The following TOPAZ1 variants were observed in gnomAD, a reference collection of about 807,000 sequenced individuals.
The protein encoded by TOPAZ1 is testis and ovary specific TOPAZ 1.
In TOPAZ1, 66 loss-of-function variants were observed where a neutral mutation model predicts 172.2. The observed-to-expected ratio is 0.38, with a 90% CI of 0.31 to 0.47. The LOEUF (loss-of-function observed/expected upper bound fraction) is 0.47. Among genes scored for constraint, TOPAZ1 ranks in the 20% least tolerant of loss-of-function variants. The probability of loss-of-function intolerance (pLI) is 0.99; values close to 1 mark genes in which losing one functional copy is unlikely to be tolerated. For missense variants in TOPAZ1, 1,822 were observed against 1,972.4 expected, an observed-to-expected ratio of 0.92 and a Z score of 1.44; for synonymous variants, 681 against 683.9, an observed-to-expected ratio of 1.00 and a Z score of 0.07.
chr3:44,267,129 G>A lies in TOPAZ1; in HGVS notation c.3153G>A (p.Trp1051Ter). 1 of 1,529,368 alleles carries A rather than the reference G, an allele frequency of 6.5e-7. No individual in the cohort carries two copies. Among genetic ancestry groups the A allele is most frequent in the Non-Finnish European group, 8.8e-7 (1 of 1,138,906 alleles). The allele number at this position is 1,529,368 out of a possible 1,614,324, so 94.7% of individuals were successfully genotyped here. A position where few individuals can be genotyped will look rare whatever the true frequency, so the allele number is the denominator to read the frequency against. ...GRQEDTILNT[W>*]MNDFRFLGKH... ...AAGAAGACACAATACTGAATACCTG[G>A]ATGAATGGTACTATTTGTTTTCTTA... The change falls in exon 6 of 20, where the codon TGG becomes TGA. Residue 1051 changes from tryptophan to a stop codon, truncating the protein, a stop_gained. Transcript: ENST00000309765. LOFTEE classifies it high-confidence loss of function.
rs1043677119 is a variant in TOPAZ1, at chr3:44,244,877, A to G, written c.2371A>G (p.Asn791Asp). The change falls in exon 2 of 20, where the codon AAT (asparagine) becomes GAT (aspartate). Residue 791 changes from asparagine (N) to aspartate (D), a missense_variant. Around this residue, in one of 2 missense-constraint regions of TOPAZ1, gnomAD observed 1,489 missense variants for 1,490.8 expected, o/e 1.00. Transcript: ENST00000309765. ...ATCTAATCACGTCTCTGAACCAGGC[A>G]ATATTGTTTCTAATAAAGAAGTTGC... ...KPSNHVSEPGNIVSNKEVASL... is the reference protein window; with the variant it reads ...KPSNHVSEPGDIVSNKEVASL... 24 of 1,551,640 alleles carry G rather than the reference A, an allele frequency of 1.5e-5. No individual in the cohort carries two copies. Among genetic ancestry groups the G allele is most frequent in the Admixed American group, 3.9e-5 (2 of 50,992 alleles).
chr3:44,286,762 A>T (rs948327584), intron 9 of TOPAZ1, among the ~76,000 whole-genome samples: 3 of 152,226 alleles, frequency 2.0e-5, no homozygotes, highest in Non-Finnish European at 4.4e-5. Context: ...TCCTAATGTA[A>T]ATAATTTTAG....
In TOPAZ1 at chr3:44,269,471, C is replaced by CTTTTTTTTT. The variant is rs71085612; in HGVS notation, c.3246+193_3246+201dup. On this transcript the variant is annotated intron_variant, in intron 7 of 19. Coordinates refer to ENST00000309765, the MANE Select transcript of TOPAZ1 (RefSeq NM_001145030.2). ...CCTTTTGATTGTATTTCCCTATCAT[C>CTTTTTTTTT]TTTTTTTTTTTTTTTTTTTTTTTTT... Among the ~76,000 whole-genome samples the CTTTTTTTTT allele has an allele frequency of 1.5e-3, 50 of 33,934 alleles. 7 individuals are homozygous for CTTTTTTTTT. Among genetic ancestry groups the CTTTTTTTTT allele is most frequent in the African/African-American group, 3.6e-3 (22 of 6,122 alleles). 22.3% of individuals were successfully genotyped at this position (33,934 alleles called of 152,430 possible). A position where few individuals can be genotyped will look rare whatever the true frequency, so the allele number is the denominator to read the frequency against.
intron 9 of TOPAZ1, among the ~76,000 whole-genome samples, chr3:44,285,990 C>T (rs1178519738): frequency 6.6e-6 from 1 of 151,918 alleles, no homozygotes; most frequent in Non-Finnish European, 1.5e-5. Context: ...GGGCAGATCA[C>T]CTGAGGTCAG....
intron 9 of TOPAZ1, among the ~76,000 whole-genome samples, chr3:44,284,598 T>C (rs1392913800): frequency 6.6e-6 from 1 of 152,210 alleles, no homozygotes; most frequent in African/African-American, 2.4e-5. Flanking sequence ...AAGTATCTAC[T>C]TGAGTCCTTG....
chr3:44,313,452 A>C (rs1490298969), intron 16 of TOPAZ1, among the ~76,000 whole-genome samples: 1 of 151,628 alleles, frequency 6.6e-6, no homozygotes, highest in Non-Finnish European at 1.5e-5. Context: ...TCTACTAAAA[A>C]TATAAAAAAA....
At chr3:44,277,935 G>A (rs1699980873) in intron 8 of TOPAZ1, among the ~76,000 whole-genome samples, 1 of 152,182 alleles carries the variant, frequency 6.6e-6, no homozygotes, top group Non-Finnish European at 1.5e-5. Flanking sequence ...AAAGCCTGCA[G>A]AACCATGGGC....
intron 7 of TOPAZ1, 138 bp from the exon 8 acceptor site, chr3:44,270,547 T>G (rs1271586679): frequency 4.0e-6 from 2 of 503,740 alleles, no homozygotes; most frequent in Non-Finnish European, 6.4e-6. Context: ...GTTTTATTTT[T>G]TCTTATTAAA....
At position 44,310,947 on chromosome 3, in the gene TOPAZ1, G is replaced by A. The variant is rs183243444; in HGVS notation, c.4306+957G>A. Among the ~76,000 whole-genome samples the A allele has an allele frequency of 1.8e-4, 28 of 152,286 alleles. No homozygotes were observed. In the East Asian group the frequency reaches 5.2e-3, roughly 28 times the overall value. ...ATTAAAAAGAGCACAATAGTGTTAC[G>A]ATACTAATGAAGCTAATGATAGCGC... On this transcript the variant is annotated intron_variant, in intron 16 of 19. Transcript: ENST00000309765.
Position 44,255,013 on chromosome 3 carries a change from T to C in TOPAZ1, c.2811T>C (p.Cys937=), listed in dbSNP as rs1049320745. 1 of 1,551,542 alleles carries C rather than the reference T, an allele frequency of 6.4e-7. No homozygotes were observed. Among genetic ancestry groups the C allele is most frequent in the Admixed American group, 2.0e-5 (1 of 51,006 alleles). Residue 937 remains cysteine, a synonymous_variant, in exon 3 of 20, where the codon TGT becomes TGC. Transcript: ENST00000309765. ...GTGGATGGATAAAGCCAGACATCTG[T>C]GCTTCCAACTCAGCAGGTAAAAGTT... The part of the protein sequence containing the change: ...LDCGWIKPDI[C]ASNSAESEIK...
At position 44,243,136 on chromosome 3, in the gene TOPAZ1, T is replaced by G. The variant is rs1415977504; in HGVS notation, c.630T>G (p.Ser210=). Residue 210 remains serine, a synonymous_variant, in exon 2 of 20, where the codon TCT becomes TCG. Transcript: ENST00000309765. ...TGTACAAGAATACTCCAAAATATTC[T>G]TGTAATATCTTGTCACCTGAAGTAG... ...DELYKNTPKY[S]CNILSPEVEN... is the part of the protein sequence containing the mutation. 1 of 1,549,252 alleles carries G rather than the reference T, an allele frequency of 6.5e-7. No homozygotes were observed. Among genetic ancestry groups the G allele is most frequent in the African/African-American group, 1.4e-5 (1 of 73,022 alleles).
At chr3:44,267,589 C>G (rs1379943156) in intron 6 of TOPAZ1, among the ~76,000 whole-genome samples, 2 of 152,078 alleles carry the variant, frequency 1.3e-5, no homozygotes, top group African/African-American at 4.8e-5. Flanking sequence ...GCTACCGCGC[C>G]CAGCCTACTT....
chr3:44,257,355 GTGTGTGT>G (rs1699720005), intron 4 of TOPAZ1, among the ~76,000 whole-genome samples: 83 of 29,648 alleles, frequency 2.8e-3, no homozygotes, highest in African/African-American at 1.0e-2. Context: ...ACATAGGGGT[GTGTGTGT>G]GTGTGTGTGT....
intron 8 of TOPAZ1, among the ~76,000 whole-genome samples, chr3:44,276,916 G>T (rs1190822663): frequency 6.6e-6 from 1 of 151,762 alleles, no homozygotes; most frequent in African/African-American, 2.4e-5. Context: ...TCAGCCTCCT[G>T]AGTAGCTGGG....
At chr3:44,323,345 C>G (rs1276236770) in intron 18 of TOPAZ1, 50 bp downstream of exon 18, 6 of 1,160,408 alleles carry the variant, frequency 5.2e-6, no homozygotes, top group Non-Finnish European at 7.2e-6. Flanking sequence ...ATTGTATTCT[C>G]TAACCCAGAA....
intron 13 of TOPAZ1, among the ~76,000 whole-genome samples, chr3:44,304,859 C>T (rs909782078): frequency 3.3e-5 from 5 of 152,122 alleles, no homozygotes; most frequent in African/African-American, 1.2e-4. Context: ...CTGTCAGGTT[C>T]AGTTTTGGGG....
At chr3:44,311,523 G>A (rs1477970589) in intron 16 of TOPAZ1, among the ~76,000 whole-genome samples, 1 of 152,164 alleles carries the variant, frequency 6.6e-6, no homozygotes, top group African/African-American at 2.4e-5. Flanking sequence ...GATGTGGAGT[G>A]ATCTTTGGAG....
chr3:44,283,968 C>T (rs1270503510), intron 9 of TOPAZ1, among the ~76,000 whole-genome samples: 1 of 151,984 alleles, frequency 6.6e-6, no homozygotes, highest in African/African-American at 2.4e-5. Flanking sequence ...GTCACTTGAC[C>T]CAATTATGGC....
intron 7 of TOPAZ1, 28 bp downstream of exon 7, chr3:44,269,329 A>G (rs997160171): frequency 8.1e-6 from 11 of 1,357,256 alleles, no homozygotes; most frequent in Non-Finnish European, 1.1e-5. Context: ...AATAATAATA[A>G]TCTGTCTCTT....
Sources: gnomAD v4.1 joint callset for allele counts (sites outside exome capture counted in the v4.1 genomes callset) on GRCh38, gnomAD v4.1.1 for gene constraint, gnomAD v4.1.1 regional missense constraint, MANE v1.5 for transcripts, NCBI Gene and HGNC (gene_info 2026-07-23, HGNC 2026-07-21) for gene names.